Variants in ECE1 observed in about 807,000 individuals in gnomAD.
ECE1 encodes the protein endothelin converting enzyme 1, also known as endothelin-converting enzyme 1.
A neutral mutation model predicts 98.6 loss-of-function variants in ECE1; 35 were observed. The observed-to-expected ratio is 0.35, with a 90% CI of 0.27 to 0.47. The LOEUF (loss-of-function observed/expected upper bound fraction) is 0.47, where lower values mean the gene tolerates loss of function less well. ECE1 is among the 20% of genes least tolerant of loss of function. The probability of loss-of-function intolerance (pLI) is 1.00; values close to 1 mark genes in which losing one functional copy is unlikely to be tolerated. For synonymous variants in ECE1, 394 were observed against 407.1 expected, an observed-to-expected ratio of 0.97 and a Z score of 0.39; for missense variants, 814 against 1,025.3, an observed-to-expected ratio of 0.79 and a Z score of 2.81.
At chr1:21,295,038 T>TA (rs1638312080), upstream of ECE1, among the ~76,000 whole-genome samples, 1 of 152,196 alleles carries the variant, frequency 6.6e-6, no homozygotes, top group African/African-American at 2.4e-5. Flanking sequence ...ATGTAGTGGG[T>TA]AAAATCTCTG....
intron 2 of ECE1, among the ~76,000 whole-genome samples, chr1:21,289,786 C>T (rs2098264425): frequency 6.6e-6 from 1 of 151,974 alleles, no homozygotes; most frequent in Admixed American, 6.6e-5. Context: ...GTTCGGGTCT[C>T]GGGGGTGCTT....
In ECE1 at chr1:21,322,059, T is replaced by C. The variant is rs1481171710; in HGVS notation, c.3+23317A>G. On this transcript the variant is annotated intron_variant, in intron 1 of 18. Coordinates refer to the ECE1 transcript ENST00000415912. This position sits in a 1 kb window ranked among gnomAD's most constrained non-coding sequence, Gnocchi z 4.1. ...CTGCGTCCCCGGCCACCCTTTGGTC[T>C]GGTCTTGTCTCCCTCCTCCTCTGCC... 6.6e-6 allele frequency among the ~76,000 whole-genome samples: 1 copy of C among 152,192 alleles called. No individual in the cohort carries two copies. Among genetic ancestry groups the C allele is most frequent in the Non-Finnish European group, 1.5e-5 (1 of 68,038 alleles).
Position 21,261,291 on chromosome 1 carries a change from G to A in ECE1, c.494-899C>T, listed in dbSNP as rs2098226516. On this transcript the variant is annotated intron_variant, in intron 4 of 18. Coordinates refer to ENST00000374893, the MANE Select transcript of ECE1 (RefSeq NM_001397.3). ...TTCATGTTCATTTCTCTCTGGCCCT[G>A]AAGCCCCTTCCTTTGCCTCCTTCAA... 2.0e-5 allele frequency among the ~76,000 whole-genome samples: 3 copies of A among 152,112 alleles called. No individual in the cohort carries two copies. In the South Asian group the frequency reaches 6.2e-4, roughly 32 times the overall value.
intron 2 of ECE1, among the ~76,000 whole-genome samples, chr1:21,288,181 T>C (rs1056617404): frequency 6.6e-6 from 1 of 152,184 alleles, no homozygotes; most frequent in Non-Finnish European, 1.5e-5. Flanking sequence ...AAGTGGAAAA[T>C]GTATCCATTT....
At chr1:21,336,619 G>A (rs757158011) in intron 1 of ECE1, among the ~76,000 whole-genome samples, 19 of 152,194 alleles carry the variant, frequency 1.2e-4, no homozygotes, top group East Asian at 3.9e-4. Flanking sequence ...CGAGGTGGGC[G>A]GATCACGAGG....
intron 4 of ECE1, among the ~76,000 whole-genome samples, chr1:21,272,448 T>C (rs1344656810): frequency 6.6e-6 from 1 of 152,212 alleles, no homozygotes; most frequent in African/African-American, 2.4e-5. Context: ...CACGCCACCA[T>C]GCCTAGCTAA....
intron 1 of ECE1, among the ~76,000 whole-genome samples, chr1:21,317,135 G>A (rs1366896585): frequency 6.6e-6 from 1 of 152,174 alleles, no homozygotes; most frequent in Non-Finnish European, 1.5e-5. Context: ...ACATACCAGT[G>A]TTTGGTTTTA....
intron 1 of ECE1, among the ~76,000 whole-genome samples, chr1:21,316,029 G>A (rs761230237): frequency 3.3e-5 from 5 of 152,214 alleles, no homozygotes; most frequent in Non-Finnish European, 5.9e-5. Context: ...GAGTGCGGCT[G>A]TGTAAGTTGA....
rs1054554554 is a variant in ECE1, at chr1:21,247,148, C to T, written c.1163+73G>A. 4 of 1,608,974 alleles carry T rather than the reference C, an allele frequency of 2.5e-6. No homozygotes were observed. The South Asian group carries it at 3.3e-5, about 13-fold the overall frequency. Reference sequence around the variant, plus strand: ...CTCTCCTGAGTCAGACTGTCATCCCCACCCCTGCCCACCTGCCCAAGAAGA... The same window carrying T: ...CTCTCCTGAGTCAGACTGTCATCCCTACCCCTGCCCACCTGCCCAAGAAGA... On this transcript the variant is annotated intron_variant, in intron 9 of 18. Transcript: ENST00000374893.
At position 21,238,119 on chromosome 1, in the gene ECE1, G is replaced by A. The variant is rs532070889; in HGVS notation, c.1389+15C>T. On this transcript the variant is annotated intron_variant, in intron 11 of 18. Transcript: ENST00000374893. ...GTGTGACCTCACAGCCTGTGTCCACGGGGAAGGCACTTACTATGCTCTTGC... is the reference window on the plus strand; with the variant it reads ...GTGTGACCTCACAGCCTGTGTCCACAGGGAAGGCACTTACTATGCTCTTGC... 1.6e-5 allele frequency: 25 copies of A among 1,611,096 alleles called. No homozygotes were observed. The highest frequency in any genetic ancestry group is 3.3e-5 in the South Asian group (3 of 90,998).
In ECE1 at chr1:21,258,612, C is replaced by T; in HGVS notation, c.762+81G>A. 1 of 1,040,970 alleles carries T rather than the reference C, an allele frequency of 9.6e-7. No individual in the cohort carries two copies. The allele number at this position is 1,040,970 out of a possible 1,614,324, so 64.5% of individuals were successfully genotyped here. On this transcript the variant is annotated intron_variant, in intron 6 of 18. Coordinates refer to ENST00000374893, the MANE Select transcript of ECE1 (RefSeq NM_001397.3). This position sits in a 1 kb window ranked among gnomAD's most constrained non-coding sequence, Gnocchi z 4.2. ...CGTCCCACCCAGGGCAAGCCCCTCTCCCACCCCAGGTCCTGCTAAACTCAA... is the reference window on the plus strand; with the variant it reads ...CGTCCCACCCAGGGCAAGCCCCTCTTCCACCCCAGGTCCTGCTAAACTCAA...
At chr1:21,279,533 C>T in intron 2 of ECE1, 3 of 1,456,300 alleles carry the variant, frequency 2.1e-6, no homozygotes, top group Non-Finnish European at 2.7e-6. Flanking sequence ...GGATCTGCTC[C>T]CAAACATCAG....
In ECE1 at chr1:21,260,527, T is replaced by G. The variant is rs1573981060; in HGVS notation, c.494-135A>C. ...TGACATCTGCCTGTCGGAGTGGCAGTGAGGAATGCCGTCACCGTGAGTATG... is the reference window on the plus strand; with the variant it reads ...TGACATCTGCCTGTCGGAGTGGCAGGGAGGAATGCCGTCACCGTGAGTATG... On this transcript the variant is annotated intron_variant, in intron 4 of 18. Transcript: ENST00000374893. This position sits in a 1 kb window ranked among gnomAD's most constrained non-coding sequence, Gnocchi z 4.3. 1 of 1,177,688 alleles carries G rather than the reference T, an allele frequency of 8.5e-7. No homozygotes were observed. The highest frequency in any genetic ancestry group is 1.2e-5 in the South Asian group (1 of 81,230). The allele number at this position is 1,177,688 out of a possible 1,614,324, so 73.0% of individuals were successfully genotyped here. A position where few individuals can be genotyped will look rare whatever the true frequency, so the allele number is the denominator to read the frequency against.
At chr1:21,247,095 C>T in intron 9 of ECE1, 126 bp downstream of exon 9, 1 of 1,321,524 alleles carries the variant, frequency 7.6e-7, no homozygotes, top group Non-Finnish European at 1.1e-6. Context: ...TGTCCTGCTG[C>T]CTCTCGTAAA....
rs397979522 is a variant in ECE1 at position 21,311,509 on chromosome 1, CAAAAA to C, written c.4-21358_4-21354del. Among the ~76,000 whole-genome samples, 206 of 74,296 alleles carry C rather than the reference CAAAAA, an allele frequency of 2.8e-3. 2 individuals carry two copies. The highest frequency in any genetic ancestry group is 9.2e-3 in the African/African-American group (169 of 18,312). 48.7% of individuals were successfully genotyped at this position (74,296 alleles called of 152,430 possible). A position where few individuals can be genotyped will look rare whatever the true frequency, so the allele number is the denominator to read the frequency against. On this transcript the variant is annotated intron_variant, in intron 1 of 18. Coordinates refer to the ECE1 transcript ENST00000415912. ...GGAACATAGTGAGACCCTGTCTCCA[CAAAAA>C]AAAAAAAAAAAAAAAATTAGCCTGG...
At chr1:21,221,637 A>T in intron 18 of ECE1, 110 bp downstream of exon 18, 1 of 1,118,792 alleles carries the variant, frequency 8.9e-7, no homozygotes, top group East Asian at 2.3e-5. Context: ...CAGTCCAGTG[A>T]CTTGGGAAGT....
At chr1:21,273,334 C>T (rs1415251560) in intron 3 of ECE1, among the ~76,000 whole-genome samples, 9 of 123,940 alleles carry the variant, frequency 7.3e-5, no homozygotes, top group Non-Finnish European at 1.2e-4. Flanking sequence ...AGTGTGTGCC[C>T]GTGCGTGTGT....
chr1:21,320,652 C>T (rs541360937), intron 1 of ECE1, among the ~76,000 whole-genome samples: 1 of 152,224 alleles, frequency 6.6e-6, no homozygotes, highest in African/African-American at 2.4e-5. Context: ...CACAGGGGGT[C>T]ACACAGCTCC....
At position 21,233,911 on chromosome 1, in the gene ECE1, A is replaced by G. The variant is rs532035972; in HGVS notation, c.1567-250T>C. Among the ~76,000 whole-genome samples the G allele has an allele frequency of 1.3e-5, 2 of 152,262 alleles. No individual in the cohort carries two copies. Among genetic ancestry groups the G allele is most frequent in the South Asian group, 2.1e-4 (1 of 4,824 alleles). ...CAAGAAATATCTCCCATGTTGTCCA[A>G]TAGAACCTCCTGCGATGATGGATGT... On this transcript the variant is annotated intron_variant, in intron 13 of 18. Coordinates refer to ENST00000374893, the MANE Select transcript of ECE1 (RefSeq NM_001397.3). The surrounding 1 kb of genome is among the most constrained non-coding windows in gnomAD (Gnocchi z 4.0).
Sources: allele counts gnomAD v4.1 joint callset (sites outside exome capture counted in the v4.1 genomes callset), GRCh38; gene constraint gnomAD v4.1.1; non-coding constraint Gnocchi (gnomAD v3.1); transcripts MANE v1.5; gene names NCBI Gene and HGNC (gene_info 2026-07-23, HGNC 2026-07-21).